GALNT13: variants seen among roughly 807,000 people sequenced by gnomAD.
The protein encoded by GALNT13 is UDP-GalNAc:polypeptide N-acetylgalactosaminyltransferase 13.
GALNT13 carries 28 observed loss-of-function variants against 64.2 expected under a neutral mutation model. That is an observed-to-expected ratio of 0.44 (90% CI 0.32 to 0.60). The LOEUF is 0.60. Among genes scored for constraint, GALNT13 ranks in the 20% least tolerant of loss-of-function variants. GALNT13 has a pLI of 0.05. For missense variants in GALNT13, 577 were observed against 669.8 expected, an observed-to-expected ratio of 0.86 and a Z score of 1.53; for synonymous variants, 214 against 224.6, an observed-to-expected ratio of 0.95 and a Z score of 0.42.
the GALNT13 span, among the ~76,000 whole-genome samples, chr2:153,647,479 A>G: frequency 6.6e-6 from 1 of 152,054 alleles, no homozygotes; most frequent in Non-Finnish European, 1.5e-5. Context: ...ATTAGATCCC[A>G]TTTGTCAATT....
the GALNT13 span, among the ~76,000 whole-genome samples, chr2:153,850,005 C>CAAAAAAAAAAAA: frequency 4.7e-5 from 4 of 84,690 alleles, no homozygotes; most frequent in African/African-American, 1.9e-4. Context: ...ACTAAAAATA[C>CAAAAAAAAAAAA]AAAAAAAAAA....
chr2:153,429,340 T>C, the GALNT13 span, among the ~76,000 whole-genome samples: 3 of 152,302 alleles, frequency 2.0e-5, no homozygotes, highest in Non-Finnish European at 4.4e-5. Context: ...ACAAACAGTT[T>C]CTGTGATTTA....
chr2:153,883,772 T>A (rs1686946953), intron 1 of GALNT13, among the ~76,000 whole-genome samples: 1 of 151,972 alleles, frequency 6.6e-6, no homozygotes, highest in South Asian at 2.1e-4. Context: ...AGTAGAAATG[T>A]CAGGTAAAAC....
At chr2:153,623,804 T>C in the GALNT13 span, among the ~76,000 whole-genome samples, 2 of 152,026 alleles carry the variant, frequency 1.3e-5, no homozygotes, top group Non-Finnish European at 2.9e-5. Flanking sequence ...TTCCTACTTA[T>C]TTTTTTATAC....
Position 154,080,872 on chromosome 2 carries a change from C to G in GALNT13, c.143-59465C>G, listed in dbSNP as rs113322217. On this transcript the variant is annotated intron_variant, in intron 3 of 12. Coordinates refer to ENST00000392825, the MANE Select transcript of GALNT13 (RefSeq NM_052917.4). ...TGGGTGAAACTCAAAGACTTGTATTCAGGATCCTTAAACATGTTATCCATC... is the reference window on the plus strand; with the variant it reads ...TGGGTGAAACTCAAAGACTTGTATTGAGGATCCTTAAACATGTTATCCATC... 2.6e-3 allele frequency among the ~76,000 whole-genome samples: 393 copies of G among 151,690 alleles called. 1 individual carries two copies. Among genetic ancestry groups the G allele is most frequent in the African/African-American group, 9.0e-3 (372 of 41,476 alleles).
At chr2:154,012,543 TG>T (rs1342278903) in intron 3 of GALNT13, among the ~76,000 whole-genome samples, 1 of 152,114 alleles carries the variant, frequency 6.6e-6, no homozygotes, top group Non-Finnish European at 1.5e-5. Context: ...GTATGTACCT[TG>T]GGGATGGTTG....
chr2:153,615,849 G>A, the GALNT13 span, among the ~76,000 whole-genome samples: 1 of 151,868 alleles, frequency 6.6e-6, no homozygotes, highest in Non-Finnish European at 1.5e-5. Context: ...CCCTTGTCAG[G>A]TGACCAGTTT....
At chr2:153,142,178 T>C in the GALNT13 span, among the ~76,000 whole-genome samples, 1 of 152,064 alleles carries the variant, frequency 6.6e-6, no homozygotes, top group African/African-American at 2.4e-5. Context: ...GGTGCTTAAT[T>C]CATTGTGAGA....
the GALNT13 span, among the ~76,000 whole-genome samples, chr2:153,204,714 A>G: frequency 6.6e-6 from 1 of 152,142 alleles, no homozygotes; most frequent in Non-Finnish European, 1.5e-5. Context: ...AAATGTTTTG[A>G]GTTATTTATC....
the GALNT13 span, among the ~76,000 whole-genome samples, chr2:153,471,745 A>T: frequency 6.6e-6 from 1 of 152,094 alleles, no homozygotes; most frequent in Non-Finnish European, 1.5e-5. Context: ...TCTTTCCTTT[A>T]TGATTCTTAG....
chr2:154,311,821 T>C (rs1694059021), intron 9 of GALNT13, among the ~76,000 whole-genome samples: 3 of 152,332 alleles, frequency 2.0e-5, no homozygotes, highest in African/African-American at 7.2e-5. Context: ...GGACGTTCCA[T>C]GCTGAGAAAA....
chr2:154,203,776 G>A (rs1573869494), intron 4 of GALNT13, among the ~76,000 whole-genome samples: 2 of 152,192 alleles, frequency 1.3e-5, no homozygotes, highest in South Asian at 4.2e-4. Flanking sequence ...CTATAATGTA[G>A]CCTGAATTAA....
the GALNT13 span, among the ~76,000 whole-genome samples, chr2:153,671,559 C>A: frequency 6.6e-6 from 1 of 152,160 alleles, no homozygotes; most frequent in South Asian, 2.1e-4. Flanking sequence ...AAGCACTAAA[C>A]ATGGAAAGGA....
chr2:154,203,466 AAGAT>A (rs943786736), intron 4 of GALNT13, among the ~76,000 whole-genome samples: 3 of 152,126 alleles, frequency 2.0e-5, no homozygotes, highest in Admixed American at 1.3e-4. Flanking sequence ...TATAGATAGA[AAGAT>A]AGATAGATAC....
the GALNT13 span, among the ~76,000 whole-genome samples, chr2:153,189,844 T>C: frequency 6.6e-6 from 1 of 152,160 alleles, no homozygotes; most frequent in African/African-American, 2.4e-5. Context: ...TGCATTTCCC[T>C]TATAATTAAT....
At chr2:154,426,297 G>A (rs1700467391) in intron 11 of GALNT13, among the ~76,000 whole-genome samples, 2 of 152,194 alleles carry the variant, frequency 1.3e-5, no homozygotes, top group African/African-American at 4.8e-5. Context: ...CCAAATCATG[G>A]CAGTTTTCAT....
At chr2:153,613,223 A>AT in the GALNT13 span, among the ~76,000 whole-genome samples, 353 of 152,278 alleles carry the variant, frequency 2.3e-3, 4 homozygotes, top group African/African-American at 8.2e-3. Context: ...ATCAGTGCAT[A>AT]TTTAAGATTT....
At chr2:154,363,376 G>A (rs550292413) in intron 9 of GALNT13, among the ~76,000 whole-genome samples, 3 of 152,086 alleles carry the variant, frequency 2.0e-5, no homozygotes, top group South Asian at 4.1e-4. Flanking sequence ...GGAGCGGGGG[G>A]AAGCTCAAAT....
the GALNT13 span, among the ~76,000 whole-genome samples, chr2:153,458,190 C>A: frequency 6.6e-6 from 1 of 152,004 alleles, no homozygotes; most frequent in Non-Finnish European, 1.5e-5. Flanking sequence ...ACCAAAAAGA[C>A]AATCACCCTT....
Sources: allele counts gnomAD v4.1 joint callset (sites outside exome capture counted in the v4.1 genomes callset), GRCh38; gene constraint gnomAD v4.1.1; transcripts MANE v1.5; gene names NCBI Gene and HGNC (gene_info 2026-07-23, HGNC 2026-07-21).